SLC30A3: variants seen among roughly 807,000 people sequenced by gnomAD.
The protein encoded by SLC30A3 is probable proton-coupled zinc antiporter SLC30A3.
A neutral mutation model predicts 35.6 loss-of-function variants in SLC30A3; 20 were observed. That is an observed-to-expected ratio of 0.56 (90% CI 0.39 to 0.82). The LOEUF (loss-of-function observed/expected upper bound fraction) is 0.82. SLC30A3 is among the 40% of genes least tolerant of loss of function. SLC30A3 has a pLI of 0.00. For synonymous variants in SLC30A3, 217 were observed against 224.7 expected, an observed-to-expected ratio of 0.97 and a Z score of 0.31; for missense variants, 401 against 530.6, an observed-to-expected ratio of 0.76 and a Z score of 2.40.
upstream of SLC30A3, chr2:27,263,903 G>T: frequency 1.9e-6 from 1 of 520,798 alleles, no homozygotes; most frequent in Non-Finnish European, 3.4e-6. Flanking sequence ...GCGGGGCAGC[G>T]TGTCAGCTAG....
upstream of SLC30A3, chr2:27,275,606 A>C (rs1677989659): frequency 3.2e-5 from 8 of 249,814 alleles, 1 homozygote; most frequent in South Asian, 3.2e-4. Flanking sequence ...GGTGCCCTGC[A>C]CACTCAGAGC....
chr2:27,262,708 G>GCGCTGGGGCGGC lies in SLC30A3; in HGVS notation c.95+92_95+103dup. On this transcript the variant is annotated intron_variant, in intron 1 of 7. Transcript: ENST00000233535. The surrounding 1 kb of genome is among the most constrained non-coding windows in gnomAD (Gnocchi z 7.5). Reference sequence around the variant, plus strand: ...TGCAGCGGAGCGAGGGACCCGCGGTGCGCTGGGGCGGCCGCCGGGGCCCGC... The same window carrying GCGCTGGGGCGGC: ...TGCAGCGGAGCGAGGGACCCGCGGTGCGCTGGGGCGGCCGCTGGGGCGGCCGCCGGGGCCCGC... 8.7e-7 allele frequency: 1 copy of GCGCTGGGGCGGC among 1,145,134 alleles called. No homozygotes were observed. The allele number at this position is 1,145,134 out of a possible 1,614,324, so 70.9% of individuals were successfully genotyped here.
intron 1 of SLC30A3, among the ~76,000 whole-genome samples, chr2:27,261,179 C>T (rs1028681241): frequency 3.3e-5 from 5 of 151,990 alleles, no homozygotes; most frequent in African/African-American, 7.3e-5. Flanking sequence ...CGTGAAGTGT[C>T]AGGGGAGGGC....
chr2:27,257,168 G>A lies in SLC30A3; in HGVS notation c.763C>T (p.Leu255Phe), dbSNP rs762380280. The change falls in exon 5 of 8, where the codon CTC becomes TTC. Residue 255 changes from leucine (L) to phenylalanine (F), a missense_variant. Transcript: ENST00000233535. This position sits in a 1 kb window ranked among gnomAD's most constrained non-coding sequence, Gnocchi z 4.7. ...AATGATGGTACCTTGAAGTAGATGAGGATGGAGGCAGCCAGTACCCCAAAG... is the reference window on the plus strand; with the variant it reads ...AATGATGGTACCTTGAAGTAGATGAAGATGGAGGCAGCCAGTACCCCAAAG... ...QSFGVLAASI[L>F]IYFKPQYKAA... is the part of the protein sequence containing the mutation. 13 of 1,613,826 alleles carry A rather than the reference G, an allele frequency of 8.1e-6. No individual in the cohort carries two copies. In the East Asian group the frequency reaches 2.7e-4, roughly 33 times the overall value.
In SLC30A3 at chr2:27,257,070, G is replaced by A. The variant is rs1676900874; in HGVS notation, c.777+84C>T. 6.5e-6 allele frequency: 9 copies of A among 1,389,840 alleles called. No individual in the cohort carries two copies. Among genetic ancestry groups the A allele is most frequent in the South Asian group, 5.8e-5 (5 of 86,198 alleles). The allele number at this position is 1,389,840 out of a possible 1,614,324, so 86.1% of individuals were successfully genotyped here. ...GGGAGGGAGGAGCTGGAGGGAGGAGGAAGGAAGCTTTGGGACCTGGGAAGG... is the reference window on the plus strand; with the variant it reads ...GGGAGGGAGGAGCTGGAGGGAGGAGAAAGGAAGCTTTGGGACCTGGGAAGG... On this transcript the variant is annotated intron_variant, in intron 5 of 7. Transcript: ENST00000233535. This position sits in a 1 kb window ranked among gnomAD's most constrained non-coding sequence, Gnocchi z 4.7.
rs1439127164 is a variant in SLC30A3, at chr2:27,263,004, C to G, written c.-98G>C. 6 of 1,412,940 alleles carry G rather than the reference C, an allele frequency of 4.2e-6. No individual in the cohort carries two copies. Among genetic ancestry groups the G allele is most frequent in the Non-Finnish European group, 5.5e-6 (6 of 1,091,584 alleles). The allele number at this position is 1,412,940 out of a possible 1,614,324, so 87.5% of individuals were successfully genotyped here. A position where few individuals can be genotyped will look rare whatever the true frequency, so the allele number is the denominator to read the frequency against. ...GCAGCCCGCCGACCCCCGGGATCCC[C>G]GCAGGGCGGCGGGGCCACCAGAGTG... On this transcript the variant is annotated 5_prime_UTR_variant, in exon 1 of 8. Coordinates refer to ENST00000233535, the MANE Select transcript of SLC30A3 (RefSeq NM_003459.5).
chr2:27,273,386 G>A (rs888273004), intron 1 of SLC30A3, among the ~76,000 whole-genome samples: 2 of 152,322 alleles, frequency 1.3e-5, no homozygotes, highest in Non-Finnish European at 2.9e-5. Context: ...GCAGGACCAC[G>A]CTGGGTCTTA....
chr2:27,274,208 C>T (rs1233030156), intron 1 of SLC30A3, among the ~76,000 whole-genome samples: 1 of 152,138 alleles, frequency 6.6e-6, no homozygotes, highest in Admixed American at 6.5e-5. Context: ...ACCTGTAATC[C>T]CAGCTACTTG....
rs1354756807 is a variant in SLC30A3 at position 27,262,581 on chromosome 2, A to C, written c.95+231T>G. Among the ~76,000 whole-genome samples, 1 of 151,298 alleles carries C rather than the reference A, an allele frequency of 6.6e-6. No homozygotes were observed. Among genetic ancestry groups the C allele is most frequent in the Non-Finnish European group, 1.5e-5 (1 of 67,794 alleles). On this transcript the variant is annotated intron_variant, in intron 1 of 7. Transcript: ENST00000233535. The surrounding 1 kb of genome is among the most constrained non-coding windows in gnomAD (Gnocchi z 7.5). Reference sequence around the variant, plus strand: ...CGGCCTGGGACGCCGGCCGGAGGGGAGTGAGAGGCCGCTTCACCCGAGGAA... The same window carrying C: ...CGGCCTGGGACGCCGGCCGGAGGGGCGTGAGAGGCCGCTTCACCCGAGGAA...
chr2:27,257,948 C>T lies in SLC30A3; in HGVS notation c.535G>A (p.Ala179Thr). Residue 179 changes from alanine to threonine, a missense_variant, in exon 4 of 8, where the codon GCC (alanine) becomes ACC (threonine). Physicochemically the swap from Ala to Thr is moderately conservative, Grantham distance 58. This residue lies in a region of SLC30A3 where 296 missense variants were observed against 392.6 expected (regional missense o/e 0.75). Coordinates refer to ENST00000233535, the MANE Select transcript of SLC30A3 (RefSeq NM_003459.5). This position sits in a 1 kb window ranked among gnomAD's most constrained non-coding sequence, Gnocchi z 4.7. ...LHSDYHIEGGAMLLTASIAVC... is the reference protein window; with the variant it reads ...LHSDYHIEGGTMLLTASIAVC... ...GCGATGCTGGCGGTCAGCAGCATGG[C>T]ACCCCCCTCGATGTGGTAGTCGCTG... 1 of 1,614,158 alleles carries T rather than the reference C, an allele frequency of 6.2e-7. No individual in the cohort carries two copies.
At chr2:27,256,214 G>A (rs189388113) in intron 7 of SLC30A3, 172 bp downstream of exon 7, 40 of 734,058 alleles carry the variant, frequency 5.4e-5, no homozygotes, top group Admixed American at 1.1e-4. Context: ...CAACATGCAC[G>A]AGCGCACGTG....
intron 1 of SLC30A3, 152 bp from the exon 2 acceptor site, chr2:27,259,086 A>G: frequency 1.7e-6 from 1 of 604,470 alleles, no homozygotes. Flanking sequence ...GCCACATGAG[A>G]GACCGGGGCT....
chr2:27,275,125 A>G (rs1677949506), intron 1 of SLC30A3: 1 of 1,226,466 alleles, frequency 8.2e-7, no homozygotes, highest in Non-Finnish European at 1.1e-6. Context: ...TAAGTCCTGA[A>G]GACAACTGGG....
In SLC30A3 at chr2:27,257,818, TG is replaced by T. The variant is rs1676951783; in HGVS notation, c.578+86del. On this transcript the variant is annotated intron_variant, in intron 4 of 7. Transcript: ENST00000233535. The surrounding 1 kb of genome is among the most constrained non-coding windows in gnomAD (Gnocchi z 4.7). Reference sequence around the variant, plus strand: ...TGTGTGTGCGTGTCTGTGTGTCTGGTGGGGAGGAGAGAGCCAGCTCTCCCAT... The same window carrying T: ...TGTGTGTGCGTGTCTGTGTGTCTGGTGGGAGGAGAGAGCCAGCTCTCCCAT... 7.6e-7 allele frequency: 1 copy of T among 1,315,668 alleles called. No homozygotes were observed. The highest frequency in any genetic ancestry group is 1.4e-5 in the African/African-American group (1 of 68,974). 81.5% of individuals were successfully genotyped at this position (1,315,668 alleles called of 1,614,324 possible). A position where few individuals can be genotyped will look rare whatever the true frequency, so the allele number is the denominator to read the frequency against.
Position 27,254,191 on chromosome 2 carries a change from G to A in SLC30A3, c.*1121C>T, listed in dbSNP as rs1403065464. 1 of 152,244 alleles carries A rather than the reference G, an allele frequency of 6.6e-6. No individual in the cohort carries two copies. The highest frequency in any genetic ancestry group is 1.5e-5 in the Non-Finnish European group (1 of 68,070). 9.4% of individuals were successfully genotyped at this position (152,244 alleles called of 1,614,324 possible). A position where few individuals can be genotyped will look rare whatever the true frequency, so the allele number is the denominator to read the frequency against. On this transcript the variant is annotated 3_prime_UTR_variant, in exon 8 of 8. Transcript: ENST00000233535. ...GCCTGAGAACCAAGCCCACATCAGT[G>A]CTATGGTCTAGCCATTCTCCCTCAA...
In SLC30A3 at chr2:27,257,117, G is replaced by A. The variant is rs1262799965; in HGVS notation, c.777+37C>T. ...AAGGAGTGGGCTGGGATGTGGTTGT[G>A]GGGAGGAAGGCTGGGGCAGGTCTCC... is the stretch of plus-strand genomic sequence containing the variant. On this transcript the variant is annotated intron_variant, in intron 5 of 7. Coordinates refer to ENST00000233535, the MANE Select transcript of SLC30A3 (RefSeq NM_003459.5). The surrounding 1 kb of genome is among the most constrained non-coding windows in gnomAD (Gnocchi z 4.7). The A allele has an allele frequency of 1.3e-6, 2 of 1,594,762 alleles. No individual in the cohort carries two copies. Among genetic ancestry groups the A allele is most frequent in the South Asian group, 1.1e-5 (1 of 90,658 alleles).
Position 27,255,218 on chromosome 2 carries a change from C to A in SLC30A3, c.*94G>T. The A allele has an allele frequency of 6.2e-7, 1 of 1,606,134 alleles. No individual in the cohort carries two copies. Among genetic ancestry groups the A allele is most frequent in the Non-Finnish European group, 8.5e-7 (1 of 1,177,892 alleles). On this transcript the variant is annotated 3_prime_UTR_variant, in exon 8 of 8. Coordinates refer to ENST00000233535, the MANE Select transcript of SLC30A3 (RefSeq NM_003459.5). This position sits in a 1 kb window ranked among gnomAD's most constrained non-coding sequence, Gnocchi z 5.2. ...GAGGGAGAGAGGAAGGGGTATGGAC[C>A]TGGCTCGGTCCCGTCTCTGTGATCA...
Position 27,255,145 on chromosome 2 carries a change from A to ACTGGGG in SLC30A3, c.*161_*166dup, listed in dbSNP as rs765238257. 2.8e-5 allele frequency: 44 copies of ACTGGGG among 1,568,388 alleles called. No homozygotes were observed. The highest frequency in any genetic ancestry group is 2.6e-4 in the South Asian group (23 of 87,434). ...TCCCCGCCACACTTTGGTCTTGCCC[A>ACTGGGG]CTGGGGCTGGGGCTGGGGCTGAGGC... On this transcript the variant is annotated 3_prime_UTR_variant, in exon 8 of 8. Transcript: ENST00000233535. This position sits in a 1 kb window ranked among gnomAD's most constrained non-coding sequence, Gnocchi z 5.2.
rs1677806148 is a variant in SLC30A3 at position 27,273,177 on chromosome 2, C to T, written c.-159+2000G>A. Among the ~76,000 whole-genome samples, 3 of 151,748 alleles carry T rather than the reference C, an allele frequency of 2.0e-5. No homozygotes were observed. In the South Asian group the frequency reaches 6.2e-4, roughly 32 times the overall value. ...AGGAGTAGAACCCAGTTTAGAAGGC[C>T]TCTCTGAGGAGGCCTGAAGCTGAGA... On this transcript the variant is annotated intron_variant, in intron 1 of 5. Transcript: ENST00000424577.
Sources: gnomAD v4.1 joint callset for allele counts (sites outside exome capture counted in the v4.1 genomes callset) on GRCh38, gnomAD v4.1.1 for gene constraint, gnomAD v4.1.1 regional missense constraint, Gnocchi (gnomAD v3.1) non-coding constraint, MANE v1.5 for transcripts, NCBI Gene and HGNC (gene_info 2026-07-23, HGNC 2026-07-21) for gene names.